KIAA0825: variants seen among roughly 807,000 people sequenced by gnomAD.
The protein encoded by KIAA0825 is KIAA0825, also known as uncharacterized protein KIAA0825.
In KIAA0825, 119 loss-of-function variants were observed where a neutral mutation model predicts 147.6. The ratio of observed to expected loss-of-function variants is 0.81; its 90% confidence interval spans 0.69 to 0.94. The LOEUF (loss-of-function observed/expected upper bound fraction) is 0.94, where lower values mean the gene tolerates loss of function less well. Ranked by LOEUF, KIAA0825 falls within the 40% of genes least tolerant of loss-of-function variation. The pLI is 0.00. For synonymous variants in KIAA0825, 470 were observed against 518.1 expected (o/e 0.91, Z 1.26); for missense variants, 1,381 against 1,472.7 (o/e 0.94, Z 1.02).
rs1278311339 is a variant in KIAA0825, at chr5:94,419,160, T to G, written c.2498-1795A>C. 2.0e-5 allele frequency among the ~76,000 whole-genome samples: 3 copies of G among 152,038 alleles called. 1 individual carries two copies. Among genetic ancestry groups the G allele is most frequent in the African/African-American group, 7.2e-5 (3 of 41,398 alleles). ...CAAGTACTGCAATTACAGGCCTGAG[T>G]TGTTACACCCAACCAATTTTCCCTC... On this transcript the variant is annotated intron_variant, in intron 14 of 20. Coordinates refer to ENST00000682413, the MANE Select transcript of KIAA0825 (RefSeq NM_001145678.3).
At chr5:94,268,058 A>T (rs1045585622) in intron 20 of KIAA0825, among the ~76,000 whole-genome samples, 2 of 152,176 alleles carry the variant, frequency 1.3e-5, no homozygotes, top group Non-Finnish European at 2.9e-5. Context: ...TTTATTCAAT[A>T]AACATGTGTT....
chr5:94,445,484 A>G (rs967432822), intron 13 of KIAA0825, among the ~76,000 whole-genome samples: 31 of 152,154 alleles, frequency 2.0e-4, no homozygotes, highest in African/African-American at 6.8e-4. Context: ...TGCTGTCTTC[A>G]AGAAGATTAA....
At chr5:94,601,703 C>T (rs977396819) in intron 1 of KIAA0825, among the ~76,000 whole-genome samples, 4 of 152,016 alleles carry the variant, frequency 2.6e-5, no homozygotes, top group African/African-American at 9.7e-5. Context: ...TATAACTGAC[C>T]GGATAGAACT....
At chr5:94,260,072 T>A (rs1776422466) in intron 20 of KIAA0825, among the ~76,000 whole-genome samples, 2 of 152,092 alleles carry the variant, frequency 1.3e-5, no homozygotes, top group Admixed American at 1.3e-4. Flanking sequence ...TATAATATGG[T>A]TACAAGTGCA....
intron 20 of KIAA0825, among the ~76,000 whole-genome samples, chr5:94,180,956 C>A (rs1363588401): frequency 6.6e-6 from 1 of 152,114 alleles, no homozygotes; most frequent in Non-Finnish European, 1.5e-5. Flanking sequence ...GCTATTTAGA[C>A]CACTTCCACC....
chr5:94,551,274 AC>A (rs956763427), intron 2 of KIAA0825, among the ~76,000 whole-genome samples: 1 of 152,044 alleles, frequency 6.6e-6, no homozygotes, highest in Non-Finnish European at 1.5e-5. Context: ...AAAGAGAAGG[AC>A]AAAGATATAC....
intron 14 of KIAA0825, among the ~76,000 whole-genome samples, chr5:94,427,879 G>C (rs1301133474): frequency 6.6e-6 from 1 of 152,106 alleles, no homozygotes; most frequent in African/African-American, 2.4e-5. Flanking sequence ...TTGTGAACCT[G>C]GGTGCTCCAA....
intron 12 of KIAA0825, among the ~76,000 whole-genome samples, chr5:94,458,100 A>T (rs1759345703): frequency 6.6e-6 from 1 of 152,210 alleles, no homozygotes; most frequent in South Asian, 2.1e-4. Flanking sequence ...ATCACAGACA[A>T]CTACCTATGA....
In KIAA0825 at chr5:94,599,085, T is replaced by G. The variant is rs149554758; in HGVS notation, c.-152-16502A>C. 1.8e-3 allele frequency among the ~76,000 whole-genome samples: 269 copies of G among 152,252 alleles called. 3 individuals carry two copies. Among genetic ancestry groups the G allele is most frequent in the African/African-American group, 6.1e-3 (253 of 41,566 alleles). On this transcript the variant is annotated intron_variant, in intron 1 of 20. Transcript: ENST00000682413. The stretch of plus-strand genomic sequence containing the variant: ...TCTATCATGATTGTACTAACTTATA[T>G]TCCCACCAACAGTATGTAAGAGTTC...
intron 2 of KIAA0825, among the ~76,000 whole-genome samples, chr5:94,565,834 T>C (rs1778609145): frequency 6.6e-6 from 1 of 152,206 alleles, no homozygotes; most frequent in Admixed American, 6.5e-5. Flanking sequence ...GTGGAAAGAT[T>C]GAATCAAGCT....
rs538516087 is a variant in KIAA0825, at chr5:94,299,163, C to CT, written c.3710+85204dup. Reference sequence around the variant, plus strand: ...CCATACAAGCTAAACTATGAAATTTCTTAAGGATTAGGGATTGGGCACTGA... The same window carrying CT: ...CCATACAAGCTAAACTATGAAATTTCTTTAAGGATTAGGGATTGGGCACTGA... On this transcript the variant is annotated intron_variant, in intron 20 of 20. Transcript: ENST00000682413. 2.9e-3 allele frequency among the ~76,000 whole-genome samples: 437 copies of CT among 152,090 alleles called. 4 individuals carry two copies. Among genetic ancestry groups the CT allele is most frequent in the African/African-American group, 9.4e-3 (392 of 41,504 alleles).
intron 1 of KIAA0825, chr5:94,611,799 T>A (rs932376129): frequency 6.6e-6 from 1 of 151,322 alleles, no homozygotes. Flanking sequence ...ATTAAAAAAT[T>A]TTTTTACATA....
chr5:94,419,579 G>A (rs1245007955), intron 14 of KIAA0825, among the ~76,000 whole-genome samples: 1 of 151,986 alleles, frequency 6.6e-6, no homozygotes, highest in Non-Finnish European at 1.5e-5. Context: ...ATTTCTTCAG[G>A]CTATATGTGT....
chr5:94,594,359 G>A lies in KIAA0825; in HGVS notation c.-152-11776C>T, dbSNP rs544892834. Reference sequence around the variant, plus strand: ...CTGGCATGAATGTAGCACAACAGCAGATTTATAAAATGTTAGCAGAGGTAC... The same window carrying A: ...CTGGCATGAATGTAGCACAACAGCAAATTTATAAAATGTTAGCAGAGGTAC... On this transcript the variant is annotated intron_variant, in intron 1 of 20. Transcript: ENST00000682413. 9.3e-4 allele frequency: 697 copies of A among 748,692 alleles called. 7 individuals are homozygous for A. The highest frequency in any genetic ancestry group is 1.5e-3 in the Non-Finnish European group (603 of 412,492). The allele number at this position is 748,692 out of a possible 1,614,324, so 46.4% of individuals were successfully genotyped here.
intron 20 of KIAA0825, among the ~76,000 whole-genome samples, chr5:94,244,773 GGTACCT>G (rs1376446988): frequency 1.2e-4 from 18 of 151,980 alleles, no homozygotes; most frequent in Non-Finnish European, 2.5e-4. Context: ...GTAACCTTTA[GGTACCT>G]TACCCCTCCA....
intron 20 of KIAA0825, among the ~76,000 whole-genome samples, chr5:94,258,282 C>T (rs1776339780): frequency 6.6e-6 from 1 of 151,942 alleles, no homozygotes; most frequent in Non-Finnish European, 1.5e-5. Context: ...ATTTTTTTAT[C>T]ATTAACAAAA....
intron 20 of KIAA0825, among the ~76,000 whole-genome samples, chr5:94,351,911 A>C (rs1783712702): frequency 1.3e-5 from 2 of 152,224 alleles, no homozygotes; most frequent in African/African-American, 4.8e-5. Flanking sequence ...CTCTCACCTT[A>C]TACAAAAATC....
At chr5:94,549,891 T>C (rs1473176516) in intron 2 of KIAA0825, among the ~76,000 whole-genome samples, 2 of 151,722 alleles carry the variant, frequency 1.3e-5, no homozygotes, top group Non-Finnish European at 2.9e-5. Flanking sequence ...TCAAAATTAG[T>C]ATAAAAAAAG....
intron 5 of KIAA0825, among the ~76,000 whole-genome samples, chr5:94,507,286 A>G (rs1562570167): frequency 6.6e-6 from 1 of 152,178 alleles, no homozygotes; most frequent in Non-Finnish European, 1.5e-5. Context: ...CATCACTGCT[A>G]AAATACAAAA....
Sources: gnomAD v4.1 joint callset for allele counts (sites outside exome capture counted in the v4.1 genomes callset) on GRCh38, gnomAD v4.1.1 for gene constraint, MANE v1.5 for transcripts, NCBI Gene and HGNC (gene_info 2026-07-23, HGNC 2026-07-21) for gene names.